SRGAP2: variants seen among roughly 807,000 people sequenced by gnomAD.
The protein encoded by SRGAP2 is SLIT-ROBO Rho GTPase-activating protein 2.
A neutral mutation model predicts 57.2 loss-of-function variants in SRGAP2; 15 were observed. The observed-to-expected ratio is 0.26, with a 90% confidence interval of 0.18 to 0.40. The LOEUF is 0.40. Among genes scored for constraint, SRGAP2 ranks in the 10% least tolerant of loss-of-function variants. The probability of loss-of-function intolerance (pLI) is 1.00; values close to 1 mark genes in which losing one functional copy is unlikely to be tolerated. For missense variants in SRGAP2, 520 were observed against 669.6 expected (o/e 0.78, Z 2.47); for synonymous variants, 249 against 248.0 (o/e 1.00, Z -0.04).
At chr1:206,378,753 G>T (rs7522969) in intron 4 of SRGAP2, among the ~76,000 whole-genome samples, 70,704 of 151,728 alleles carry the variant, frequency 0.47, 16,790 homozygotes, top group East Asian at 0.71. Flanking sequence ...CTAGCTAAAG[G>T]ATTATAAATG....
At chr1:206,414,229 G>T (rs1553360640) in intron 10 of SRGAP2, among the ~76,000 whole-genome samples, 1 of 151,562 alleles carries the variant, frequency 6.6e-6, no homozygotes, top group African/African-American at 2.4e-5. Flanking sequence ...TAGAGATGGG[G>T]TTTCACCATG....
chr1:206,255,671 T>C (rs1423688121), intron 2 of SRGAP2, among the ~76,000 whole-genome samples: 1 of 130,166 alleles, frequency 7.7e-6, no homozygotes, highest in Non-Finnish European at 1.6e-5. Context: ...CAGTTGTCTG[T>C]GTAACTGTGT....
At chr1:206,399,856 A>G (rs1657973993) in intron 7 of SRGAP2, among the ~76,000 whole-genome samples, 1 of 152,082 alleles carries the variant, frequency 6.6e-6, no homozygotes, top group Non-Finnish European at 1.5e-5. Flanking sequence ...GCTTTTGTCT[A>G]GCTTCCATTT....
chr1:206,210,469 G>A (rs1666250402), intron 2 of SRGAP2, among the ~76,000 whole-genome samples: 1 of 130,286 alleles, frequency 7.7e-6, no homozygotes, highest in South Asian at 2.5e-4. Flanking sequence ...CCACAGAGCT[G>A]GAAGCGAAAT....
intron 3 of SRGAP2, among the ~76,000 whole-genome samples, chr1:206,306,273 T>C (rs1332958741): frequency 4.6e-5 from 7 of 152,082 alleles, no homozygotes; most frequent in African/African-American, 1.7e-4. Flanking sequence ...TGTTCAGATG[T>C]GTTCGGAGTT....
intron 3 of SRGAP2, among the ~76,000 whole-genome samples, chr1:206,307,598 G>T (rs1299413550): frequency 6.6e-6 from 1 of 152,238 alleles, no homozygotes; most frequent in South Asian, 2.1e-4. Context: ...GCCCTGCCCC[G>T]CGGGAAGGCA....
At chr1:206,279,845 G>A (rs1424834824) in intron 2 of SRGAP2, among the ~76,000 whole-genome samples, 1 of 151,798 alleles carries the variant, frequency 6.6e-6, no homozygotes, top group East Asian at 1.9e-4. Flanking sequence ...GGAAGAAATC[G>A]GCTGGTTGTC....
intron 2 of SRGAP2, among the ~76,000 whole-genome samples, chr1:206,208,482 G>A (rs1483980670): frequency 2.0e-4 from 31 of 152,090 alleles, no homozygotes; most frequent in African/African-American, 7.2e-4. Flanking sequence ...GCCAAACCAT[G>A]GCAGCTTGAC....
chr1:206,451,989 T>C (rs1356783669), intron 19 of SRGAP2, among the ~76,000 whole-genome samples: 1 of 152,210 alleles, frequency 6.6e-6, no homozygotes, highest in Non-Finnish European at 1.5e-5. Flanking sequence ...AATAGCCGAC[T>C]TTCATCTCAG....
At chr1:206,278,013 G>T (rs1193917920) in intron 2 of SRGAP2, among the ~76,000 whole-genome samples, 1 of 151,334 alleles carries the variant, frequency 6.6e-6, no homozygotes. Flanking sequence ...AGTAGAAGAC[G>T]CTTTTTTTCT....
At position 206,454,144 on chromosome 1, in the gene SRGAP2, G is replaced by T. The variant is rs1208188065; in HGVS notation, c.2361-734G>T. 2 of 702,362 alleles carry T rather than the reference G, an allele frequency of 2.8e-6. No homozygotes were observed. Among genetic ancestry groups the T allele is most frequent in the South Asian group, 1.5e-5 (1 of 67,584 alleles). The allele number at this position is 702,362 out of a possible 1,614,324, so 43.5% of individuals were successfully genotyped here. ...CTTCCCTTAATATTATTTTTTAAAG[G>T]TTGATATCCTGAGTGAGTCTGCACC... On this transcript the variant is annotated intron_variant, in intron 20 of 22. Coordinates refer to ENST00000573034, the MANE Select transcript of SRGAP2 (RefSeq NM_015326.5). This position sits in a 1 kb window ranked among gnomAD's most constrained non-coding sequence, Gnocchi z 4.3.
Position 206,205,969 on chromosome 1 carries a change from A to G in SRGAP2, c.-2A>G. The G allele has an allele frequency of 1.3e-6, 2 of 1,536,506 alleles. No individual in the cohort carries two copies. Among genetic ancestry groups the G allele is most frequent in the Non-Finnish European group, 8.8e-7 (1 of 1,142,768 alleles). Reference sequence around the variant, plus strand: ...TTCGAATTTGGAAGAAAGAAGGAAAACATGACGTCTCCAGCCAAATTCAAA... The same window carrying G: ...TTCGAATTTGGAAGAAAGAAGGAAAGCATGACGTCTCCAGCCAAATTCAAA... On this transcript the variant is annotated 5_prime_UTR_variant, in exon 2 of 23. Transcript: ENST00000573034.
chr1:206,450,808 A>G (rs1553375608), intron 19 of SRGAP2, among the ~76,000 whole-genome samples: 1 of 152,170 alleles, frequency 6.6e-6, no homozygotes, highest in East Asian at 1.9e-4. Context: ...AAGTGAAGGA[A>G]AGTACATTTG....
rs1403217674 is a variant in SRGAP2, at chr1:206,454,227, G to A, written c.2361-651G>A. ...AAATCCTCCCTCTGTTGATAGCATC[G>A]CAAACCTGGTGGCAATCTGTGCGTG... On this transcript the variant is annotated intron_variant, in intron 20 of 22. Transcript: ENST00000573034. The surrounding 1 kb of genome is among the most constrained non-coding windows in gnomAD (Gnocchi z 4.3). 8.5e-6 allele frequency: 6 copies of A among 701,822 alleles called. No individual in the cohort carries two copies. Among genetic ancestry groups the A allele is most frequent in the Admixed American group, 8.0e-5 (4 of 49,958 alleles). 43.5% of individuals were successfully genotyped at this position (701,822 alleles called of 1,614,324 possible).
At chr1:206,324,556 C>T (rs1250201903) in intron 3 of SRGAP2, among the ~76,000 whole-genome samples, 3 of 151,980 alleles carry the variant, frequency 2.0e-5, no homozygotes, top group Non-Finnish European at 4.4e-5. Context: ...CTTCTATTGA[C>T]TTTATCACTG....
In SRGAP2 at chr1:206,397,436, C is replaced by T. The variant is rs577335598; in HGVS notation, c.831+3763C>T. Among the ~76,000 whole-genome samples the T allele has an allele frequency of 2.0e-5, 3 of 152,282 alleles. No individual in the cohort carries two copies. In the East Asian group the frequency reaches 5.8e-4, roughly 29 times the overall value. On this transcript the variant is annotated intron_variant, in intron 7 of 22. Transcript: ENST00000573034. ...AGTCCATTGCCATCTGTGTCATGTACAGCCTTCTGCCTCCTTCTTAGTGGT... is the reference window on the plus strand; with the variant it reads ...AGTCCATTGCCATCTGTGTCATGTATAGCCTTCTGCCTCCTTCTTAGTGGT...
At chr1:206,429,065 T>C (rs1468454383) in intron 13 of SRGAP2, among the ~76,000 whole-genome samples, 3 of 152,204 alleles carry the variant, frequency 2.0e-5, no homozygotes, top group Non-Finnish European at 2.9e-5. Context: ...AATTCCTCTA[T>C]AAATGGTAGG....
At chr1:206,453,560 T>A in intron 20 of SRGAP2, 180 bp downstream of exon 20, 1 of 287,938 alleles carries the variant, frequency 3.5e-6, no homozygotes, top group Non-Finnish European at 5.8e-6. Flanking sequence ...CTCCCTGCAC[T>A]CAGTGGAGAA....
In SRGAP2 at chr1:206,461,217, G is replaced by A. The variant is rs567746303; in HGVS notation, c.3013G>A (p.Glu1005Lys). The A allele has an allele frequency of 2.3e-5, 18 of 780,560 alleles. No homozygotes were observed. The highest frequency in any genetic ancestry group is 8.4e-5 in the African/African-American group (5 of 59,246). 48.4% of individuals were successfully genotyped at this position (780,560 alleles called of 1,614,324 possible). The change falls in exon 23 of 23, where the codon GAG becomes AAG. Residue 1005 changes from glutamate (E) to lysine (K), a missense_variant. Coordinates refer to ENST00000573034, the MANE Select transcript of SRGAP2 (RefSeq NM_015326.5). The part of the protein sequence containing the change: ...PLHTQLLKDP[E>K]PAFQRSASTA... ...GCACACCCAGCTCCTCAAGGACCCC[G>A]AGCCCGCCTTCCAGCGCAGCGCCAG...
Sources: gnomAD v4.1 joint callset for allele counts (sites outside exome capture counted in the v4.1 genomes callset) on GRCh38, gnomAD v4.1.1 for gene constraint, Gnocchi (gnomAD v3.1) non-coding constraint, MANE v1.5 for transcripts, NCBI Gene and HGNC (gene_info 2026-07-23, HGNC 2026-07-21) for gene names.